The following RCOR1 variants were observed in gnomAD, a reference collection of about 807,000 sequenced individuals.
RCOR1 encodes REST corepressor.
In RCOR1, 12 loss-of-function variants were observed where a neutral mutation model predicts 64.0. The ratio of observed to expected loss-of-function variants is 0.19; its 90% confidence interval spans 0.12 to 0.30. RCOR1 has a LOEUF of 0.30. Among genes scored for constraint, RCOR1 ranks in the 10% least tolerant of loss-of-function variants. The pLI is 1.00. For missense variants in RCOR1, 502 were observed against 621.2 expected (o/e 0.81, Z 2.04); for synonymous variants, 279 against 227.2 (o/e 1.23, Z -2.05).
rs1282707730 is a variant in RCOR1, at chr14:102,592,781, C to T, written c.-106C>T. ...GACTCGCGCCCGTGGGCTCCCGCCG[C>T]GCCCGCCCGGCCCCGCGCCGGCCCC... On this transcript the variant is annotated 5_prime_UTR_variant, in exon 1 of 12. Transcript: ENST00000262241. 2.5e-6 allele frequency: 3 copies of T among 1,194,968 alleles called. No individual in the cohort carries two copies. Among genetic ancestry groups the T allele is most frequent in the Non-Finnish European group, 3.1e-6 (3 of 964,746 alleles). The allele number at this position is 1,194,968 out of a possible 1,614,324, so 74.0% of individuals were successfully genotyped here. A position where few individuals can be genotyped will look rare whatever the true frequency, so the allele number is the denominator to read the frequency against.
intron 2 of RCOR1, among the ~76,000 whole-genome samples, chr14:102,635,912 G>A (rs1205953853): frequency 8.5e-5 from 13 of 152,068 alleles, no homozygotes; most frequent in Admixed American, 8.5e-4. Context: ...CTCCAGCCTT[G>A]GTAATGCAGT....
intron 11 of RCOR1, among the ~76,000 whole-genome samples, chr14:102,722,799 T>C (rs1178441722): frequency 2.0e-5 from 3 of 152,242 alleles, no homozygotes; most frequent in Non-Finnish European, 4.4e-5. Flanking sequence ...CTCCGTCATC[T>C]GCAATGTGCA....
Position 102,613,986 on chromosome 14 carries a change from C to T in RCOR1, c.361+20661C>T, listed in dbSNP as rs1382303830. ...TCTAGGCTCACTGCAACCTCTGCCTCCCAGGTTTAAGGGATTCGCCTGCCT... is the reference window on the plus strand; with the variant it reads ...TCTAGGCTCACTGCAACCTCTGCCTTCCAGGTTTAAGGGATTCGCCTGCCT... On this transcript the variant is annotated intron_variant, in intron 2 of 11. Transcript: ENST00000262241. Among the ~76,000 whole-genome samples the T allele has an allele frequency of 2.7e-5, 4 of 149,156 alleles. No homozygotes were observed. In the Admixed American group the frequency reaches 2.7e-4, roughly 10 times the overall value.
At chr14:102,655,894 G>A (rs561499408) in intron 2 of RCOR1, 5 of 754,682 alleles carry the variant, frequency 6.6e-6, no homozygotes, top group East Asian at 1.4e-4. Flanking sequence ...TGGAGGTTGC[G>A]GTCAGTCGAG....
chr14:102,632,813 CTTTCT>C (rs1442234659), intron 2 of RCOR1, among the ~76,000 whole-genome samples: 1 of 121,068 alleles, frequency 8.3e-6, no homozygotes, highest in Non-Finnish European at 1.6e-5. Context: ...CTCCTCTCCT[CTTTCT>C]TTTCTTTTTT....
At chr14:102,628,538 CAA>C (rs371262191) in intron 2 of RCOR1, among the ~76,000 whole-genome samples, 13 of 127,168 alleles carry the variant, frequency 1.0e-4, no homozygotes, top group Non-Finnish European at 1.0e-4. Context: ...ACTGCAACTC[CAA>C]AAAAAAAAAA....
At chr14:102,693,308 A>G (rs1895576138) in intron 3 of RCOR1, among the ~76,000 whole-genome samples, 1 of 151,276 alleles carries the variant, frequency 6.6e-6, no homozygotes, top group Non-Finnish European at 1.5e-5. Flanking sequence ...AAGGGCAGAG[A>G]TTGTCTATTT....
chr14:102,726,795 G>A lies in RCOR1; in HGVS notation c.*289G>A, dbSNP rs1050627165. 2.0e-5 allele frequency: 8 copies of A among 406,314 alleles called. No individual in the cohort carries two copies. Among genetic ancestry groups the A allele is most frequent in the Non-Finnish European group, 2.6e-5 (6 of 229,468 alleles). The allele number at this position is 406,314 out of a possible 1,614,324, so 25.2% of individuals were successfully genotyped here. A position where few individuals can be genotyped will look rare whatever the true frequency, so the allele number is the denominator to read the frequency against. On this transcript the variant is annotated 3_prime_UTR_variant, in exon 12 of 12. Coordinates refer to ENST00000262241, the MANE Select transcript of RCOR1 (RefSeq NM_015156.4). ...GACTCTGGGAACCGCCTCTCCCGCC[G>A]GAGCCCCCGAGCCCCACCAATGGCA...
At chr14:102,666,321 A>G (rs1359462189) in intron 2 of RCOR1, among the ~76,000 whole-genome samples, 1 of 152,188 alleles carries the variant, frequency 6.6e-6, no homozygotes, top group Non-Finnish European at 1.5e-5. Context: ...GAAGCAGCAG[A>G]AGGACTTTTT....
At chr14:102,656,376 C>A (rs994493206) in intron 2 of RCOR1, among the ~76,000 whole-genome samples, 1 of 151,050 alleles carries the variant, frequency 6.6e-6, no homozygotes, top group African/African-American at 2.4e-5. Context: ...TGACCTCAAG[C>A]GATCCGCCTG....
At chr14:102,701,810 C>T (rs774177576) in intron 4 of RCOR1, among the ~76,000 whole-genome samples, 15 of 152,270 alleles carry the variant, frequency 9.9e-5, no homozygotes, top group Admixed American at 3.9e-4. Flanking sequence ...CCTCTGCCTC[C>T]GGGGTTCAAG....
intron 2 of RCOR1, among the ~76,000 whole-genome samples, chr14:102,603,636 T>TC (rs2139882469): frequency 6.6e-6 from 1 of 152,152 alleles, no homozygotes; most frequent in South Asian, 2.1e-4. Context: ...TTCTTTTTTT[T>TC]CCCCCTTAGG....
At chr14:102,720,004 A>G (rs953501439) in intron 8 of RCOR1, among the ~76,000 whole-genome samples, 1 of 152,212 alleles carries the variant, frequency 6.6e-6, no homozygotes, top group Non-Finnish European at 1.5e-5. Context: ...AGAGATTGTA[A>G]TGTCTAGCAT....
intron 2 of RCOR1, chr14:102,662,570 T>A: frequency 2.1e-6 from 1 of 468,786 alleles, no homozygotes; most frequent in Admixed American, 2.5e-5. Context: ...TTTGGGCCGC[T>A]GGAAGGTGGG....
intron 2 of RCOR1, among the ~76,000 whole-genome samples, chr14:102,605,067 CAAAAAAAAA>C (rs71119718): frequency 1.2e-4 from 11 of 93,984 alleles, no homozygotes; most frequent in South Asian, 3.9e-4. Flanking sequence ...TATTCCATCT[CAAAAAAAAA>C]AAAAAAAAAA....
intron 2 of RCOR1, among the ~76,000 whole-genome samples, chr14:102,652,653 A>G (rs1894615933): frequency 6.6e-6 from 1 of 151,982 alleles, no homozygotes; most frequent in Non-Finnish European, 1.5e-5. Flanking sequence ...TCCAAACTAC[A>G]TTTCTTTTTA....
chr14:102,636,140 G>A (rs927083732), intron 2 of RCOR1, among the ~76,000 whole-genome samples: 8 of 151,466 alleles, frequency 5.3e-5, no homozygotes, highest in Admixed American at 2.6e-4. Flanking sequence ...GGGTTTCACC[G>A]TGTTAGCCAG....
chr14:102,717,737 G>A (rs1040374620), intron 8 of RCOR1, among the ~76,000 whole-genome samples: 1 of 152,072 alleles, frequency 6.6e-6, no homozygotes, highest in African/African-American at 2.4e-5. Flanking sequence ...CTCTTGCACC[G>A]AGGTGTTATT....
chr14:102,593,258 C>T lies in RCOR1; in HGVS notation c.302-8C>T, dbSNP rs781502860. The T allele has an allele frequency of 3.9e-6, 6 of 1,522,268 alleles. No homozygotes were observed. Among genetic ancestry groups the T allele is most frequent in the Non-Finnish European group, 5.3e-6 (6 of 1,139,906 alleles). 94.3% of individuals were successfully genotyped at this position (1,522,268 alleles called of 1,614,324 possible). A position where few individuals can be genotyped will look rare whatever the true frequency, so the allele number is the denominator to read the frequency against. On this transcript the variant is annotated splice_region_variant and splice_polypyrimidine_tract_variant and intron_variant, in intron 1 of 11. Transcript: ENST00000262241. The stretch of plus-strand genomic sequence containing the variant: ...CGCGCTGACCGCCGTATTCTGCTTC[C>T]CCCGCAGGTGGCGGTGGCATGAGGG...
Sources: allele counts gnomAD v4.1 joint callset (sites outside exome capture counted in the v4.1 genomes callset), GRCh38; gene constraint gnomAD v4.1.1; transcripts MANE v1.5; gene names NCBI Gene and HGNC (gene_info 2026-07-23, HGNC 2026-07-21).